PGBD5: variants seen among roughly 807,000 people sequenced by gnomAD.
The protein encoded by PGBD5 is piggyBac transposable element-derived protein 5.
PGBD5 carries 14 observed loss-of-function variants against 47.9 expected under a neutral mutation model. The ratio of observed to expected loss-of-function variants is 0.29; its 90% CI spans 0.19 to 0.46. The LOEUF is 0.46. Among genes scored for constraint, PGBD5 ranks in the 20% least tolerant of loss-of-function variants. The pLI is 1.00. For missense variants in PGBD5, 635 were observed against 716.0 expected (o/e 0.89, Z 1.29); for synonymous variants, 316 against 306.3 (o/e 1.03, Z -0.33).
In PGBD5 at chr1:230,323,123, C is replaced by T. The variant is rs1356531249; in HGVS notation, c.*302G>A. ...GGGGCCTTCCTTCACAGTCACCAGT[C>T]CACGCTGCCTCGCAAGCTCCACGGA... On this transcript the variant is annotated 3_prime_UTR_variant, in exon 7 of 7. Coordinates refer to ENST00000391860, the MANE Select transcript of PGBD5 (RefSeq NM_001258311.2). This position sits in a 1 kb window ranked among gnomAD's most constrained non-coding sequence, Gnocchi z 4.1. The T allele has an allele frequency of 8.3e-6, 3 of 361,596 alleles. No homozygotes were observed. The highest frequency in any genetic ancestry group is 2.0e-5 in the African/African-American group (1 of 49,014). The allele number at this position is 361,596 out of a possible 1,614,324, so 22.4% of individuals were successfully genotyped here.
intron 1 of PGBD5, among the ~76,000 whole-genome samples, chr1:230,409,923 A>C (rs1447317402): frequency 6.6e-6 from 1 of 152,222 alleles, no homozygotes; most frequent in Admixed American, 6.5e-5. Flanking sequence ...ATAAGGTGGA[A>C]GAAATAAAAT....
At chr1:230,363,380 G>A (rs1162160945) in intron 1 of PGBD5, among the ~76,000 whole-genome samples, 2 of 152,130 alleles carry the variant, frequency 1.3e-5, no homozygotes, top group Admixed American at 6.5e-5. Context: ...TCAGGAGTTC[G>A]AGACCAGCCT....
At chr1:230,346,382 C>A (rs1485206135) in intron 3 of PGBD5, among the ~76,000 whole-genome samples, 1 of 152,124 alleles carries the variant, frequency 6.6e-6, no homozygotes, top group Non-Finnish European at 1.5e-5. Flanking sequence ...ATCACAGGGA[C>A]GTAACCCCAT....
At chr1:230,393,560 G>A (rs959400834) in intron 1 of PGBD5, among the ~76,000 whole-genome samples, 2 of 152,066 alleles carry the variant, frequency 1.3e-5, no homozygotes, top group South Asian at 2.1e-4. Flanking sequence ...ATAATAGGCC[G>A]GGCGCGGTGG....
chr1:230,360,284 T>C (rs1202991769), intron 1 of PGBD5, among the ~76,000 whole-genome samples: 1 of 151,816 alleles, frequency 6.6e-6, no homozygotes, highest in Non-Finnish European at 1.5e-5. Flanking sequence ...GGTTTTGATT[T>C]ACAAGCATTC....
intron 1 of PGBD5, among the ~76,000 whole-genome samples, chr1:230,398,437 G>C (rs748040840): frequency 1.3e-5 from 2 of 152,060 alleles, no homozygotes; most frequent in Non-Finnish European, 2.9e-5. Context: ...ATTGGATTAG[G>C]GCCCACCCAT....
intron 2 of PGBD5, among the ~76,000 whole-genome samples, chr1:230,354,546 G>C (rs1411773868): frequency 2.6e-5 from 4 of 152,172 alleles, no homozygotes; most frequent in African/African-American, 9.7e-5. Context: ...TTGATAACAT[G>C]ATTATATAAC....
intron 2 of PGBD5, among the ~76,000 whole-genome samples, chr1:230,356,554 G>T (rs1033352839): frequency 6.6e-6 from 1 of 152,124 alleles, no homozygotes; most frequent in African/African-American, 2.4e-5. Flanking sequence ...CACACTCAGA[G>T]AATATGACAA....
At position 230,384,297 on chromosome 1, in the gene PGBD5, C is replaced by G. The variant is rs1656585398; in HGVS notation, c.332-26976G>C. 2.0e-5 allele frequency among the ~76,000 whole-genome samples: 3 copies of G among 152,062 alleles called. No homozygotes were observed. In the South Asian group the frequency reaches 6.2e-4, roughly 31 times the overall value. ...ACTCTGGATCACTGGGTGAAATGTA[C>G]ATTTTGACTGCATGGGGTGGGAAAT... On this transcript the variant is annotated intron_variant, in intron 1 of 6. Coordinates refer to ENST00000391860, the MANE Select transcript of PGBD5 (RefSeq NM_001258311.2).
chr1:230,370,602 G>A (rs937735192), intron 1 of PGBD5, among the ~76,000 whole-genome samples: 1 of 152,198 alleles, frequency 6.6e-6, no homozygotes, highest in Non-Finnish European at 1.5e-5. Context: ...AGAGGAAACT[G>A]AGTCAGAGAG....
At chr1:230,370,281 A>C (rs986571808) in intron 1 of PGBD5, among the ~76,000 whole-genome samples, 3 of 152,166 alleles carry the variant, frequency 2.0e-5, no homozygotes, top group Non-Finnish European at 4.4e-5. Flanking sequence ...TTCCCCATGG[A>C]AACAAGGGAA....
At chr1:230,364,181 G>C (rs1016946545) in intron 1 of PGBD5, among the ~76,000 whole-genome samples, 1 of 152,242 alleles carries the variant, frequency 6.6e-6, no homozygotes, top group Admixed American at 6.5e-5. Context: ...GTACTCCCGT[G>C]GGGGTAGGTG....
intron 1 of PGBD5, chr1:230,377,658 A>G (rs1195568774): frequency 1.4e-6 from 2 of 1,464,088 alleles, no homozygotes; most frequent in Non-Finnish European, 9.1e-7. Flanking sequence ...GTCAAGGTAC[A>G]TAATCCCACA....
Position 230,357,968 on chromosome 1 carries a change from A to G in PGBD5, c.332-647T>C, listed in dbSNP as rs1180948371. Reference sequence around the variant, plus strand: ...TATACACATGCATATATACACATACATACACACACATACATACATACATAC... The same window carrying G: ...TATACACATGCATATATACACATACGTACACACACATACATACATACATAC... On this transcript the variant is annotated intron_variant, in intron 1 of 6. Coordinates refer to ENST00000391860, the MANE Select transcript of PGBD5 (RefSeq NM_001258311.2). The surrounding 1 kb of genome is among the most constrained non-coding windows in gnomAD (Gnocchi z 5.7). 6.6e-6 allele frequency among the ~76,000 whole-genome samples: 1 copy of G among 151,796 alleles called. No individual in the cohort carries two copies. The highest frequency in any genetic ancestry group is 1.5e-5 in the Non-Finnish European group (1 of 68,014).
At position 230,425,321 on chromosome 1, in the gene PGBD5, G is replaced by A. The variant is rs1008521654; in HGVS notation, c.331+277C>T. On this transcript the variant is annotated intron_variant, in intron 1 of 6. Coordinates refer to ENST00000391860, the MANE Select transcript of PGBD5 (RefSeq NM_001258311.2). This position sits in a 1 kb window ranked among gnomAD's most constrained non-coding sequence, Gnocchi z 4.7. The stretch of plus-strand genomic sequence containing the variant: ...AGGTGTGACAGACTTCCCATGCAGG[G>A]GCTGGGGTGCTCCCAGGAAGTGAAG... Among the ~76,000 whole-genome samples the A allele has an allele frequency of 2.0e-5, 3 of 152,158 alleles. No homozygotes were observed. The highest frequency in any genetic ancestry group is 7.2e-5 in the African/African-American group (3 of 41,426).
At chr1:230,388,077 A>C (rs746619429) in intron 1 of PGBD5, among the ~76,000 whole-genome samples, 2 of 152,140 alleles carry the variant, frequency 1.3e-5, no homozygotes, top group Non-Finnish European at 2.9e-5. Flanking sequence ...CAACCAATTC[A>C]TGTTGGCCCC....
rs1657764435 is a variant in PGBD5 at position 230,425,758 on chromosome 1, G to A, written c.171C>T (p.Ala57=). 1.7e-6 allele frequency: 2 copies of A among 1,207,266 alleles called. No homozygotes were observed. Among genetic ancestry groups the A allele is most frequent in the Non-Finnish European group, 1.0e-6 (1 of 970,506 alleles). The allele number at this position is 1,207,266 out of a possible 1,614,324, so 74.8% of individuals were successfully genotyped here. ...STSAASRSSS[A]ASSDDEREPP... is the part of the protein sequence containing the mutation. ...GCTCGCGCTCGTCGTCCGAGGAGGC[G>A]GCCGAGGAGGAGCGCGAGGCGGCCG... The change falls in exon 1 of 7, where the codon GCC becomes GCT. Residue 57 remains alanine (A), a synonymous_variant. Transcript: ENST00000391860. The surrounding 1 kb of genome is among the most constrained non-coding windows in gnomAD (Gnocchi z 4.7).
At chr1:230,414,488 A>G (rs539947315) in intron 1 of PGBD5, among the ~76,000 whole-genome samples, 2 of 152,216 alleles carry the variant, frequency 1.3e-5, no homozygotes, top group Non-Finnish European at 2.9e-5. Flanking sequence ...GAGTCTATAC[A>G]TTTATAATAC....
intron 1 of PGBD5, among the ~76,000 whole-genome samples, chr1:230,399,681 G>C (rs1467988378): frequency 6.6e-6 from 1 of 152,160 alleles, no homozygotes; most frequent in Non-Finnish European, 1.5e-5. Context: ...AGTGGGAGTA[G>C]GGTCAAGTGG....
Sources: gnomAD v4.1 joint callset for allele counts (sites outside exome capture counted in the v4.1 genomes callset) on GRCh38, gnomAD v4.1.1 for gene constraint, Gnocchi (gnomAD v3.1) non-coding constraint, MANE v1.5 for transcripts, NCBI Gene and HGNC (gene_info 2026-07-23, HGNC 2026-07-21) for gene names.